CACNA2D3: variants seen among roughly 807,000 people sequenced by gnomAD.
CACNA2D3 encodes voltage-dependent calcium channel subunit alpha-2/delta-3.
CACNA2D3 carries 60 observed loss-of-function variants against 160.6 expected under a neutral mutation model. That is an observed-to-expected ratio of 0.37 (90% CI 0.30 to 0.46). The LOEUF (loss-of-function observed/expected upper bound fraction) is 0.46. CACNA2D3 is among the 20% of genes least tolerant of loss of function. The pLI is 1.00. For synonymous variants in CACNA2D3, 558 were observed against 492.9 expected, an observed-to-expected ratio of 1.13 and a Z score of -1.75; for missense variants, 1,205 against 1,365.0, an observed-to-expected ratio of 0.88 and a Z score of 1.85.
chr3:54,247,765 A>G (rs1433676144), intron 2 of CACNA2D3, among the ~76,000 whole-genome samples: 1 of 152,140 alleles, frequency 6.6e-6, no homozygotes, highest in Non-Finnish European at 1.5e-5. Context: ...CCTGGAATGA[A>G]AAGGATTTGA....
chr3:54,918,277 T>C (rs2106921618), intron 27 of CACNA2D3: 2 of 636,856 alleles, frequency 3.1e-6, no homozygotes, highest in East Asian at 2.8e-5. Context: ...ATTTTAAAAA[T>C]CGCAACATAA....
At chr3:54,997,641 G>A (rs201788576) in intron 31 of CACNA2D3, among the ~76,000 whole-genome samples, 12 of 151,666 alleles carry the variant, frequency 7.9e-5, no homozygotes, top group East Asian at 1.9e-4. Flanking sequence ...CAGGAGGATC[G>A]CTTGAACTGA....
intron 2 of CACNA2D3, among the ~76,000 whole-genome samples, chr3:54,158,642 A>G (rs1375066788): frequency 6.6e-6 from 1 of 152,214 alleles, no homozygotes; most frequent in Non-Finnish European, 1.5e-5. Context: ...AAGTTCCCAC[A>G]TGGACTTCGC....
intron 2 of CACNA2D3, among the ~76,000 whole-genome samples, chr3:54,219,147 C>G (rs745444399): frequency 4.3e-4 from 65 of 152,210 alleles, no homozygotes; most frequent in Non-Finnish European, 6.8e-4. Context: ...CTCTTACCCA[C>G]TTCAATGCAT....
intron 5 of CACNA2D3, among the ~76,000 whole-genome samples, chr3:54,554,341 G>T (rs1702206054): frequency 6.6e-6 from 1 of 152,018 alleles, no homozygotes; most frequent in Admixed American, 6.6e-5. Flanking sequence ...TCATTGTCTG[G>T]CATAATGTTG....
chr3:54,953,069 A>G (rs1277744687), intron 27 of CACNA2D3, among the ~76,000 whole-genome samples: 1 of 152,144 alleles, frequency 6.6e-6, no homozygotes, highest in Non-Finnish European at 1.5e-5. Context: ...GGAAACCAGG[A>G]TATGGATTAA....
chr3:54,286,955 A>G (rs975764079), intron 2 of CACNA2D3, among the ~76,000 whole-genome samples: 6 of 152,224 alleles, frequency 3.9e-5, no homozygotes, highest in African/African-American at 1.4e-4. Context: ...AACAACCAGT[A>G]CCAGCCACTG....
chr3:54,932,505 A>G (rs1437588186), intron 27 of CACNA2D3, among the ~76,000 whole-genome samples: 2 of 152,228 alleles, frequency 1.3e-5, no homozygotes, highest in Non-Finnish European at 2.9e-5. Context: ...ACAAAAATTA[A>G]GAAGCAAGTA....
At chr3:54,932,201 A>G (rs542426677) in intron 27 of CACNA2D3, among the ~76,000 whole-genome samples, 3 of 152,284 alleles carry the variant, frequency 2.0e-5, no homozygotes, top group Admixed American at 2.0e-4. Flanking sequence ...TAATAAATGA[A>G]AAAGAATAAT....
chr3:54,185,876 T>C (rs1298995377), intron 2 of CACNA2D3, among the ~76,000 whole-genome samples: 1 of 152,240 alleles, frequency 6.6e-6, no homozygotes, highest in Admixed American at 6.5e-5. Flanking sequence ...CTGGAGGTAA[T>C]GCATACCTCC....
intron 2 of CACNA2D3, among the ~76,000 whole-genome samples, chr3:54,214,668 G>A (rs893678886): frequency 1.3e-5 from 2 of 152,174 alleles, no homozygotes; most frequent in African/African-American, 4.8e-5. Context: ...CATCCTGCCA[G>A]GGTGTGGAGA....
At chr3:54,713,003 A>G (rs953189043) in intron 11 of CACNA2D3, among the ~76,000 whole-genome samples, 11 of 152,240 alleles carry the variant, frequency 7.2e-5, no homozygotes, top group African/African-American at 2.7e-4. Flanking sequence ...GTAGGGGAAC[A>G]TAGTATTCTG....
At chr3:55,070,059 T>TA (rs1575461884) in intron 35 of CACNA2D3, among the ~76,000 whole-genome samples, 2 of 152,342 alleles carry the variant, frequency 1.3e-5, no homozygotes, top group East Asian at 3.9e-4. Flanking sequence ...ACTCAACAAA[T>TA]ACTTACTGAG....
intron 2 of CACNA2D3, among the ~76,000 whole-genome samples, chr3:54,315,049 C>G (rs1025402363): frequency 4.6e-5 from 7 of 152,154 alleles, no homozygotes; most frequent in African/African-American, 1.7e-4. Flanking sequence ...ATAAAAAGGC[C>G]CATTGCCTGC....
rs942000281 is a variant in CACNA2D3, at chr3:54,829,641, AT to A, written c.1399-7517del. On this transcript the variant is annotated intron_variant, in intron 14 of 37. Transcript: ENST00000474759. ...CCATGGAGTGTGCAAACTGCAGGAC[AT>A]GGGTGACATTTCTTCCCAGCCTCAC... 8.6e-4 allele frequency among the ~76,000 whole-genome samples: 131 copies of A among 152,172 alleles called. 1 individual carries two copies. The highest frequency in any genetic ancestry group is 2.1e-4 in the Non-Finnish European group (14 of 68,018).
intron 3 of CACNA2D3, among the ~76,000 whole-genome samples, chr3:54,323,959 C>T (rs143168842): frequency 1.3e-3 from 202 of 152,168 alleles, no homozygotes; most frequent in African/African-American, 4.7e-3. Flanking sequence ...ACTCCAGGGA[C>T]GTGTGTAAGA....
intron 14 of CACNA2D3, among the ~76,000 whole-genome samples, chr3:54,823,639 A>G (rs918628201): frequency 6.6e-6 from 1 of 152,246 alleles, no homozygotes; most frequent in Non-Finnish European, 1.5e-5. Context: ...TTAAGAAGCC[A>G]TAAACAAAAC....
intron 35 of CACNA2D3, among the ~76,000 whole-genome samples, chr3:55,041,175 C>T (rs1251541651): frequency 1.3e-5 from 2 of 152,134 alleles, no homozygotes; most frequent in Non-Finnish European, 2.9e-5. Flanking sequence ...TGCTCAGTCT[C>T]CTACTCATTG....
At chr3:54,441,412 A>G (rs1700142442) in intron 4 of CACNA2D3, among the ~76,000 whole-genome samples, 1 of 152,110 alleles carries the variant, frequency 6.6e-6, no homozygotes, top group Non-Finnish European at 1.5e-5. Flanking sequence ...GTAGATTGCA[A>G]AAATTTTCTC....
Sources: gnomAD v4.1 joint callset for allele counts (sites outside exome capture counted in the v4.1 genomes callset) on GRCh38, gnomAD v4.1.1 for gene constraint, MANE v1.5 for transcripts, NCBI Gene and HGNC (gene_info 2026-07-23, HGNC 2026-07-21) for gene names.